The following C2orf42 variants were observed in gnomAD, a reference collection of about 807,000 sequenced individuals.
The protein encoded by C2orf42 is uncharacterized protein C2orf42.
In C2orf42, 44 loss-of-function variants were observed where a neutral mutation model predicts 58.9. The observed-to-expected ratio is 0.75, with a 90% CI of 0.59 to 0.96. The LOEUF (loss-of-function observed/expected upper bound fraction) is 0.96, where lower values mean the gene tolerates loss of function less well. C2orf42 is among the 40% of genes least tolerant of loss of function. The pLI, the probability that C2orf42 is intolerant of heterozygous loss-of-function variation, is 0.00. For synonymous variants in C2orf42, 239 were observed against 265.4 expected, an observed-to-expected ratio of 0.90 and a Z score of 0.97; for missense variants, 630 against 699.2, an observed-to-expected ratio of 0.90 and a Z score of 1.12.
intron 9 of C2orf42, among the ~76,000 whole-genome samples, chr2:70,153,535 A>G (rs1011125730): frequency 2.0e-5 from 3 of 150,332 alleles, no homozygotes; most frequent in East Asian, 2.0e-4. Context: ...ATTTTTTTGT[A>G]TTTTTAGTAG....
At chr2:70,183,729 T>A (rs1199720877) in intron 1 of C2orf42, among the ~76,000 whole-genome samples, 8 of 141,874 alleles carry the variant, frequency 5.6e-5, no homozygotes, top group African/African-American at 1.0e-4. Flanking sequence ...CCCATCTCTT[T>A]AAAAAAAAAA....
intron 8 of C2orf42, among the ~76,000 whole-genome samples, chr2:70,164,149 A>G (rs1036262904): frequency 2.0e-5 from 3 of 151,850 alleles, no homozygotes; most frequent in South Asian, 2.1e-4. Context: ...CCATCTCTAC[A>G]AAAATTAGCT....
At chr2:70,172,335 C>T (rs560834805) in intron 5 of C2orf42, among the ~76,000 whole-genome samples, 1 of 151,890 alleles carries the variant, frequency 6.6e-6, no homozygotes, top group African/African-American at 2.4e-5. Context: ...ATCTGGATAT[C>T]TCCAAATTCA....
In C2orf42 at chr2:70,169,652, T is replaced by G; in HGVS notation, c.1049A>C (p.Gln350Pro). Residue 350 changes from glutamine (Q) to proline (P), a missense_variant, in exon 6 of 10, where the codon CAG (glutamine) becomes CCG (proline). Coordinates refer to ENST00000264434, the MANE Select transcript of C2orf42 (RefSeq NM_017880.3). The part of the protein sequence containing the change: ...ASSLKRQACG[Q>P]LLDEAQVTLS... The stretch of plus-strand genomic sequence containing the variant: ...AGTCACTTGTGCCTCATCTAACAGC[T>G]GACCACAGGCTAGGGAAAAAAAAAC... The G allele has an allele frequency of 6.3e-7, 1 of 1,589,210 alleles. No homozygotes were observed. The highest frequency in any genetic ancestry group is 8.6e-7 in the Non-Finnish European group (1 of 1,157,422).
intron 1 of C2orf42, among the ~76,000 whole-genome samples, chr2:70,187,382 C>T (rs1006069558): frequency 2.0e-4 from 30 of 151,986 alleles, no homozygotes; most frequent in Non-Finnish European, 1.0e-4. Context: ...TCCTGAGTAG[C>T]GGGGATTACA....
At chr2:70,179,257 A>C (rs1674390667) in intron 4 of C2orf42, among the ~76,000 whole-genome samples, 1 of 147,450 alleles carries the variant, frequency 6.8e-6, no homozygotes, top group Admixed American at 6.7e-5. Flanking sequence ...CAGGAAAAAA[A>C]CCCATAAGAA....
intron 5 of C2orf42, among the ~76,000 whole-genome samples, chr2:70,173,625 T>C (rs1667473113): frequency 6.6e-6 from 1 of 151,948 alleles, no homozygotes; most frequent in East Asian, 1.9e-4. Context: ...TTTATATTAT[T>C]CTTTTTTTTC....
intron 1 of C2orf42, among the ~76,000 whole-genome samples, chr2:70,189,065 C>T (rs7568216): frequency 0.12 from 18,810 of 151,832 alleles, 1,601 homozygotes; most frequent in African/African-American, 0.25. Flanking sequence ...GGTATGCCTA[C>T]AAAATGGAAT....
Position 70,169,573 on chromosome 2 carries a change from C to T in C2orf42, c.1128G>A (p.Met376Ile). 1 of 1,575,736 alleles carries T rather than the reference C, an allele frequency of 6.3e-7. No individual in the cohort carries two copies. The highest frequency in any genetic ancestry group is 8.7e-7 in the Non-Finnish European group (1 of 1,145,144). ...ASVTERIHQT[M>I]HYQFDGKPEP... is the part of the protein sequence containing the mutation. ...AATACTTACCATCAAACTGATAGTG[C>T]ATGGTTTGATGGATGCGTTCTGTGA... The change falls in exon 6 of 10, where the codon ATG (methionine) becomes ATA (isoleucine). Residue 376 changes from methionine (M) to isoleucine (I), a missense_variant. Coordinates refer to ENST00000264434, the MANE Select transcript of C2orf42 (RefSeq NM_017880.3).
In C2orf42 at chr2:70,181,857, C is replaced by T. The variant is rs1268524352; in HGVS notation, c.129G>A (p.Lys43=). ...GGAATATGGTTCCACATGTCTTGTT[C>T]TTACAGCTCAGTCCCCGGGTTCCAT... ...TYNGTRGLSC[K]NKTCGTIFRY... Residue 43 remains lysine (K), a synonymous_variant, in exon 3 of 10, where the codon AAG becomes AAA. Coordinates refer to ENST00000264434, the MANE Select transcript of C2orf42 (RefSeq NM_017880.3). 3 of 1,613,994 alleles carry T rather than the reference C, an allele frequency of 1.9e-6. No individual in the cohort carries two copies. The African/African-American group carries it at 4.0e-5, about 22-fold the overall frequency.
At chr2:70,159,613 A>G (rs1320043784) in intron 9 of C2orf42, among the ~76,000 whole-genome samples, 1 of 151,906 alleles carries the variant, frequency 6.6e-6, no homozygotes, top group Non-Finnish European at 1.5e-5. Context: ...AAAAATTTAG[A>G]ACTGAAAAAA....
At chr2:70,165,889 T>TA (rs201574594) in intron 6 of C2orf42, among the ~76,000 whole-genome samples, 5 of 151,164 alleles carry the variant, frequency 3.3e-5, no homozygotes, top group Admixed American at 3.3e-4. Flanking sequence ...CCAGTGTCTA[T>TA]AAAAAAAAAT....
In C2orf42 at chr2:70,150,432, G is replaced by A. The variant is rs1276795994; in HGVS notation, c.1649C>T (p.Ala550Val). The change falls in exon 10 of 10, where the codon GCG becomes GTG. Residue 550 changes from alanine to valine, a missense_variant. Ala to Val is a moderately conservative substitution (Grantham distance 64). Coordinates refer to ENST00000264434, the MANE Select transcript of C2orf42 (RefSeq NM_017880.3). ...EYGHHRNGHV[A>V]EYQDQRPPLD... ...GGGGGGCCGCTGGTCTTGGTACTCC[G>A]CCACATGCCCATTCCGGTGGTGGCC... is the stretch of plus-strand genomic sequence containing the variant. The A allele has an allele frequency of 5.0e-6, 8 of 1,613,998 alleles. No homozygotes were observed. The highest frequency in any genetic ancestry group is 2.2e-5 in the South Asian group (2 of 91,078).
chr2:70,188,059 C>T (rs1675072371), intron 1 of C2orf42, among the ~76,000 whole-genome samples: 1 of 152,110 alleles, frequency 6.6e-6, no homozygotes. Context: ...ACACAGACTC[C>T]CCAAATGTTA....
At chr2:70,164,801 A>G (rs1673293235) in intron 8 of C2orf42, among the ~76,000 whole-genome samples, 2 of 152,304 alleles carry the variant, frequency 1.3e-5, no homozygotes, top group Middle Eastern at 3.4e-3. Context: ...AGGACTCATC[A>G]TAAGTATTAG....
intron 6 of C2orf42, among the ~76,000 whole-genome samples, chr2:70,167,214 C>G (rs755957725): frequency 5.3e-5 from 8 of 151,660 alleles, no homozygotes; most frequent in Non-Finnish European, 8.8e-5. Flanking sequence ...AAAAATTAGC[C>G]GGGCATGGTG....
At chr2:70,158,139 T>C (rs1466510439) in intron 9 of C2orf42, among the ~76,000 whole-genome samples, 3 of 149,926 alleles carry the variant, frequency 2.0e-5, no homozygotes, top group Non-Finnish European at 3.0e-5. Context: ...ATGGAGGGTG[T>C]AGTGAGCCAG....
intron 4 of C2orf42, among the ~76,000 whole-genome samples, chr2:70,178,634 T>A (rs143946390): frequency 6.7e-6 from 1 of 148,210 alleles, no homozygotes; most frequent in Middle Eastern, 3.6e-3. Flanking sequence ...TAAATAAGGC[T>A]GGGTGCAGCG....
At chr2:70,186,006 A>G (rs1469798051) in intron 1 of C2orf42, among the ~76,000 whole-genome samples, 1 of 151,102 alleles carries the variant, frequency 6.6e-6, no homozygotes, top group Non-Finnish European at 1.5e-5. Flanking sequence ...AAAAAAAAAA[A>G]AAAAAAAAGT....
Sources: allele counts gnomAD v4.1 joint callset (sites outside exome capture counted in the v4.1 genomes callset), GRCh38; gene constraint gnomAD v4.1.1; transcripts MANE v1.5; gene names NCBI Gene and HGNC (gene_info 2026-07-23, HGNC 2026-07-21).